Variants in ZNF385D observed in about 807,000 individuals in gnomAD.
ZNF385D encodes zinc finger protein 659.
A neutral mutation model predicts 35.8 loss-of-function variants in ZNF385D; 15 were observed. The ratio of observed to expected loss-of-function variants is 0.42; its 90% confidence interval spans 0.28 to 0.64. ZNF385D has a LOEUF of 0.64. ZNF385D is among the 30% of genes least tolerant of loss of function. The pLI, the probability that ZNF385D is intolerant of heterozygous loss-of-function variation, is 0.23. For missense variants in ZNF385D, 474 were observed against 494.6 expected (o/e 0.96, Z 0.39); for synonymous variants, 212 against 186.8 (o/e 1.13, Z -1.10).
chr3:22,245,808 G>T (rs981177191), intron 2 of ZNF385D, among the ~76,000 whole-genome samples: 1 of 152,086 alleles, frequency 6.6e-6, no homozygotes. Flanking sequence ...TATCAGGCAA[G>T]ATGATAAACT....
At chr3:22,281,884 G>C (rs574546670) in intron 2 of ZNF385D, among the ~76,000 whole-genome samples, 1 of 151,824 alleles carries the variant, frequency 6.6e-6, no homozygotes, top group African/African-American at 2.4e-5. Flanking sequence ...TTTTTTGTTG[G>C]TGGTGGTGGT....
At chr3:21,663,909 A>ATATATATATATATATATATATATATATTT (rs2066314460) in intron 2 of ZNF385D, among the ~76,000 whole-genome samples, 1 of 125,116 alleles carries the variant, frequency 8.0e-6, no homozygotes, top group Non-Finnish European at 1.7e-5. Context: ...ATATATATAT[A>ATATATATATATATATATATATATATATTT]TATATATATT....
At chr3:21,704,283 C>A in intron 1 of ZNF385D, among the ~76,000 whole-genome samples, 1 of 152,042 alleles carries the variant, frequency 6.6e-6, no homozygotes, top group Middle Eastern at 3.2e-3. Context: ...CTACTCAGGT[C>A]CTGCCAATAG....
At chr3:22,036,937 C>G (rs946278668) in intron 3 of ZNF385D, among the ~76,000 whole-genome samples, 3 of 146,962 alleles carry the variant, frequency 2.0e-5, no homozygotes, top group African/African-American at 7.6e-5. Context: ...TGTTCAATTC[C>G]CACCTATGAG....
intron 3 of ZNF385D, among the ~76,000 whole-genome samples, chr3:22,009,971 A>T (rs564426748): frequency 1.3e-5 from 2 of 152,154 alleles, no homozygotes; most frequent in Non-Finnish European, 2.9e-5. Context: ...TAGAAACAGT[A>T]GGAAGGACAT....
chr3:21,537,329 T>C (rs1424308945), intron 3 of ZNF385D, among the ~76,000 whole-genome samples: 3 of 151,434 alleles, frequency 2.0e-5, no homozygotes, highest in African/African-American at 7.3e-5. Flanking sequence ...GACGGGGTTT[T>C]ATCATGTTGG....
intron 3 of ZNF385D, among the ~76,000 whole-genome samples, chr3:22,159,452 G>C (rs1705804438): frequency 6.6e-6 from 1 of 152,000 alleles, no homozygotes; most frequent in Non-Finnish European, 1.5e-5. Context: ...AGTCGGTCTG[G>C]ATTATCAGGC....
intron 3 of ZNF385D, among the ~76,000 whole-genome samples, chr3:21,836,113 G>A (rs1401700908): frequency 6.6e-6 from 1 of 151,916 alleles, no homozygotes; most frequent in East Asian, 1.9e-4. Flanking sequence ...TGCAGATTAT[G>A]GAAGCAAATT....
chr3:21,483,408 C>T (rs1704784417), intron 4 of ZNF385D, among the ~76,000 whole-genome samples: 1 of 152,120 alleles, frequency 6.6e-6, no homozygotes. Flanking sequence ...GTTGTTTCTA[C>T]TGTATGTGAG....
intron 3 of ZNF385D, among the ~76,000 whole-genome samples, chr3:22,009,940 A>T (rs902241886): frequency 6.6e-6 from 1 of 152,082 alleles, no homozygotes; most frequent in African/African-American, 2.4e-5. Context: ...GAAATGAAAA[A>T]TATGAAAAAA....
chr3:21,923,803 G>C (rs1700592574), intron 3 of ZNF385D, among the ~76,000 whole-genome samples: 1 of 152,082 alleles, frequency 6.6e-6, no homozygotes, highest in Admixed American at 6.6e-5. Flanking sequence ...GGAAGCATTG[G>C]GTATTCATGG....
chr3:22,135,869 TTAAA>T (rs1387441636), intron 3 of ZNF385D, among the ~76,000 whole-genome samples: 3 of 151,792 alleles, frequency 2.0e-5, no homozygotes, highest in African/African-American at 7.3e-5. Context: ...GCAAAAACAA[TTAAA>T]TAAAGAAAGG....
At chr3:22,297,730 T>C (rs1702668070) in intron 2 of ZNF385D, among the ~76,000 whole-genome samples, 2 of 152,220 alleles carry the variant, frequency 1.3e-5, no homozygotes, top group South Asian at 4.1e-4. Flanking sequence ...AACTGGGAAT[T>C]TTCTTATGTA....
At chr3:21,438,120 A>T (rs1701664806) in intron 4 of ZNF385D, among the ~76,000 whole-genome samples, 1 of 152,156 alleles carries the variant, frequency 6.6e-6, no homozygotes. Flanking sequence ...GGGTATGCAC[A>T]GCTCCCCTTC....
intron 2 of ZNF385D, among the ~76,000 whole-genome samples, chr3:22,281,290 A>G (rs1701724442): frequency 1.3e-5 from 2 of 152,016 alleles, no homozygotes; most frequent in African/African-American, 4.8e-5. Context: ...GAAGTGATGA[A>G]AGTGGCCATC....
At chr3:21,486,962 C>T (rs533321167) in intron 4 of ZNF385D, among the ~76,000 whole-genome samples, 5 of 152,144 alleles carry the variant, frequency 3.3e-5, no homozygotes, top group African/African-American at 1.2e-4. Flanking sequence ...TTCTATTCTA[C>T]TGGAAGTGGC....
intron 3 of ZNF385D, among the ~76,000 whole-genome samples, chr3:22,020,092 G>C (rs533536133): frequency 6.6e-6 from 1 of 151,494 alleles, no homozygotes; most frequent in African/African-American, 2.4e-5. Context: ...AAATATTTTG[G>C]TTAAAAAGAA....
intron 3 of ZNF385D, among the ~76,000 whole-genome samples, chr3:21,920,997 T>A (rs886864206): frequency 1.3e-5 from 2 of 151,554 alleles, no homozygotes; most frequent in Non-Finnish European, 2.9e-5. Flanking sequence ...GGGCGGATCA[T>A]GAGGTCAGGA....
chr3:22,101,697 GA>G (rs57882320), intron 3 of ZNF385D, among the ~76,000 whole-genome samples: 25,097 of 151,762 alleles, frequency 0.17, 2,755 homozygotes, highest in African/African-American at 0.32. Flanking sequence ...ACAAACCTCG[GA>G]AAGGATTCTC....
Sources: gnomAD v4.1 joint callset for allele counts (sites outside exome capture counted in the v4.1 genomes callset) on GRCh38, gnomAD v4.1.1 for gene constraint, MANE v1.5 for transcripts, NCBI Gene and HGNC (gene_info 2026-07-23, HGNC 2026-07-21) for gene names.